FGB: variants seen among roughly 807,000 people sequenced by gnomAD.
FGB encodes the protein fibrinogen beta chain.
A neutral mutation model predicts 57.9 loss-of-function variants in FGB; 25 were observed. The observed-to-expected ratio is 0.43, with a 90% CI of 0.31 to 0.60. The LOEUF is 0.60. Ranked by LOEUF, FGB falls within the 20% of genes least tolerant of loss-of-function variation. The pLI, the probability that FGB is intolerant of heterozygous loss-of-function variation, is 0.08. For missense variants in FGB, 536 were observed against 598.4 expected (o/e 0.90, Z 1.09); for synonymous variants, 203 against 199.2 (o/e 1.02, Z -0.16).
chr4:154,563,007 A>T, upstream of FGB: 1 of 1,331,706 alleles, frequency 7.5e-7, no homozygotes, highest in Non-Finnish European at 1.1e-6. Context: ...AAGATCTCTC[A>T]GTTAAGTCTA....
chr4:154,565,760 A>C, intron 1 of FGB, 48 bp from the exon 2 acceptor site: 1 of 1,575,190 alleles, frequency 6.3e-7, no homozygotes, highest in Non-Finnish European at 8.7e-7. Flanking sequence ...GTTACATTCC[A>C]AATCTTCTAT....
In FGB at chr4:154,572,374, A is replaced by G. The variant is rs1401862103; in HGVS notation, c.*1724A>G. On this transcript the variant is annotated 3_prime_UTR_variant, in exon 8 of 8. Transcript: ENST00000302068. ...AGTGAATGGGACATAGGGTTTATTT[A>G]GGACTTAAATACAGATGTGGTCCAG... 6.6e-6 allele frequency among the ~76,000 whole-genome samples: 1 copy of G among 152,220 alleles called. No homozygotes were observed. Among genetic ancestry groups the G allele is most frequent in the African/African-American group, 2.4e-5 (1 of 41,460 alleles).
rs1478189415 is a variant in FGB at position 154,571,669 on chromosome 4, G to T, written c.*1019G>T. On this transcript the variant is annotated 3_prime_UTR_variant, in exon 8 of 8. Coordinates refer to ENST00000302068, the MANE Select transcript of FGB (RefSeq NM_005141.5). ...GAGGTCTATTCTTGTCCTCAATTAG[G>T]CTTTTTTTTCTTCATAGTTACACCA... Among the ~76,000 whole-genome samples, 1 of 152,010 alleles carries T rather than the reference G, an allele frequency of 6.6e-6. No homozygotes were observed. The highest frequency in any genetic ancestry group is 1.9e-4 in the East Asian group (1 of 5,170).
chr4:154,569,109 T>G, intron 5 of FGB, 73 bp from the exon 6 acceptor site: 1 of 1,494,792 alleles, frequency 6.7e-7, no homozygotes. Context: ...GACAGGGGAT[T>G]CAGATATTAT....
In FGB at chr4:154,566,823, A is replaced by T. The variant is rs1163462833; in HGVS notation, c.490+151A>T. The T allele has an allele frequency of 1.1e-5, 8 of 725,584 alleles. No individual in the cohort carries two copies. The African/African-American group carries it at 1.2e-4, about 11-fold the overall frequency. 44.9% of individuals were successfully genotyped at this position (725,584 alleles called of 1,614,324 possible). On this transcript the variant is annotated intron_variant, in intron 3 of 7. Coordinates refer to ENST00000302068, the MANE Select transcript of FGB (RefSeq NM_005141.5). ...TGGGCACCTTCCCCTGCAACTTGCCAGATAAGCACTATTCAGCTCTTATTC... is the reference window on the plus strand; with the variant it reads ...TGGGCACCTTCCCCTGCAACTTGCCTGATAAGCACTATTCAGCTCTTATTC...
chr4:154,566,588 G>A lies in FGB; in HGVS notation c.406G>A (p.Ala136Thr). 5 of 1,614,114 alleles carry A rather than the reference G, an allele frequency of 3.1e-6. No individual in the cohort carries two copies. The highest frequency in any genetic ancestry group is 4.2e-6 in the Non-Finnish European group (5 of 1,179,990). Residue 136 changes from alanine to threonine, a missense_variant, in exon 3 of 8, where the codon GCT (alanine) becomes ACT (threonine). Ala to Thr is a moderately conservative substitution (Grantham distance 58, BLOSUM62 0). Coordinates refer to ENST00000302068, the MANE Select transcript of FGB (RefSeq NM_005141.5). ...SVDELNNNVE[A>T]VSQTSSSSFQ... is the part of the protein sequence containing the mutation. ...TGATGAGTTAAATAACAATGTGGAA[G>A]CTGTTTCCCAGACCTCCTCTTCTTC...
Position 154,565,814 on chromosome 4 carries a change from T to C in FGB, c.121T>C (p.Phe41Leu). 1 of 1,614,192 alleles carries C rather than the reference T, an allele frequency of 6.2e-7. No individual in the cohort carries two copies. Among genetic ancestry groups the C allele is most frequent in the Non-Finnish European group, 8.5e-7 (1 of 1,180,008 alleles). ...TCTGCCTCATTCCTTGTAGGGTTTC[T>C]TCAGTGCCCGTGGTCATCGACCCCT... ...QGVNDNEEGF[F>L]SARGHRPLDK... Residue 41 changes from phenylalanine (F) to leucine (L), a missense_variant, in exon 2 of 8, where the codon TTC becomes CTC. Physicochemically the swap from Phe to Leu is conservative, Grantham distance 22. Around this residue, in one of 3 missense-constraint regions of FGB, gnomAD observed 354 missense variants for 383.4 expected, o/e 0.92. Coordinates refer to ENST00000302068, the MANE Select transcript of FGB (RefSeq NM_005141.5).
intron 2 of FGB, 48 bp from the exon 3 acceptor site, chr4:154,566,441 C>A: frequency 6.4e-7 from 1 of 1,552,888 alleles, no homozygotes; most frequent in South Asian, 1.1e-5. Context: ...AACAAATGTC[C>A]ATGACCCAAA....
At chr4:154,569,076 C>A (rs1309679348) in intron 5 of FGB, 106 bp from the exon 6 acceptor site, 1 of 1,278,704 alleles carries the variant, frequency 7.8e-7, no homozygotes, top group Non-Finnish European at 1.1e-6. Context: ...TTTTAGAGCA[C>A]CAAATATATA....
chr4:154,566,127 A>G (rs373462731), intron 2 of FGB, 128 bp downstream of exon 2: 6 of 892,030 alleles, frequency 6.7e-6, no homozygotes, highest in African/African-American at 1.7e-5. Context: ...TATTTTGGAA[A>G]TAAAATTCAA....
chr4:154,566,742 G>T (rs1730178638), intron 3 of FGB, 70 bp downstream of exon 3: 9 of 1,403,624 alleles, frequency 6.4e-6, no homozygotes, highest in Non-Finnish European at 7.0e-6. Flanking sequence ...CCACGAGAAT[G>T]CATGGTTGTG....
rs1203864077 is a variant in FGB, at chr4:154,569,716, A to G, written c.1161A>G (p.Ala387=). The G allele has an allele frequency of 1.2e-6, 2 of 1,614,146 alleles. No individual in the cohort carries two copies. The highest frequency in any genetic ancestry group is 1.7e-5 in the Admixed American group (1 of 60,010). The change falls in exon 7 of 8, where the codon GCA becomes GCG. Residue 387 remains alanine, a synonymous_variant. Transcript: ENST00000302068. ...CCGGTAATGCCCTCATGGATGGAGC[A>G]TCTCAGCTGATGGGAGAAAACAGGA... ...GTAGNALMDG[A]SQLMGENRTM...
rs377566007 is a variant in FGB, at chr4:154,566,009, C to T, written c.306+10C>T. ...CGCTGACCCAGACCTGGTGGGTGCA[C>T]TGATGTTTCTTGCAGTGGTGGCTCT... On this transcript the variant is annotated intron_variant, in intron 2 of 7. Transcript: ENST00000302068. 3 of 1,611,560 alleles carry T rather than the reference C, an allele frequency of 1.9e-6. No homozygotes were observed. The African/African-American group carries it at 4.0e-5, about 22-fold the overall frequency.
Position 154,568,468 on chromosome 4 carries a change from A to G in FGB, c.806A>G (p.Tyr269Cys). ...PDSSVKPYRV[Y>C]CDMNTENGGW... is the part of the protein sequence containing the mutation. Reference sequence around the variant, plus strand: ...AGTTCTGTCAAACCGTATAGAGTATACTGTGACATGAATACAGAAAATGGA... The same window carrying G: ...AGTTCTGTCAAACCGTATAGAGTATGCTGTGACATGAATACAGAAAATGGA... Residue 269 changes from tyrosine (Y) to cysteine (C), a missense_variant, in exon 5 of 8, where the codon TAC becomes TGC. Physicochemically the swap from Tyr to Cys is radical, Grantham distance 194. Coordinates refer to ENST00000302068, the MANE Select transcript of FGB (RefSeq NM_005141.5). 1.3e-6 allele frequency: 2 copies of G among 1,588,522 alleles called. No individual in the cohort carries two copies. Among genetic ancestry groups the G allele is most frequent in the Non-Finnish European group, 1.7e-6 (2 of 1,156,620 alleles).
rs1730399846 is a variant in FGB, at chr4:154,570,972, A to C, written c.*322A>C. The C allele has an allele frequency of 2.7e-6, 1 of 373,116 alleles. No homozygotes were observed. The highest frequency in any genetic ancestry group is 2.1e-5 in the African/African-American group (1 of 48,050). 23.1% of individuals were successfully genotyped at this position (373,116 alleles called of 1,614,324 possible). On this transcript the variant is annotated 3_prime_UTR_variant, in exon 8 of 8. Coordinates refer to ENST00000302068, the MANE Select transcript of FGB (RefSeq NM_005141.5). ...CCTTGTCGTAGGAAAACCATGACGG[A>C]AAGGAAAAACTGATGTTTAAAAGTC...
At chr4:154,563,321 T>C (rs1730026569) in intron 1 of FGB, among the ~76,000 whole-genome samples, 189 bp downstream of exon 1, 1 of 151,922 alleles carries the variant, frequency 6.6e-6, no homozygotes, top group African/African-American at 2.4e-5. Flanking sequence ...AAGTAATTTC[T>C]TGTTTTCTAG....
rs1578784744 is a variant in FGB, at chr4:154,569,162, T to C, written c.833-20T>C. The C allele has an allele frequency of 1.9e-6, 3 of 1,613,980 alleles. No individual in the cohort carries two copies. The highest frequency in any genetic ancestry group is 2.5e-6 in the Non-Finnish European group (3 of 1,179,870). Reference sequence around the variant, plus strand: ...TTGCTGTTGGTTAATATATGCTCTTTTTGTTTCTGTCAACCAAAGGATGGA... The same window carrying C: ...TTGCTGTTGGTTAATATATGCTCTTCTTGTTTCTGTCAACCAAAGGATGGA... On this transcript the variant is annotated intron_variant, in intron 5 of 7. Transcript: ENST00000302068.
intron 3 of FGB, 63 bp from the exon 4 acceptor site, chr4:154,567,530 T>G (rs1323664977): frequency 9.2e-6 from 9 of 982,586 alleles, no homozygotes; most frequent in Non-Finnish European, 1.5e-5. Context: ...AATTGTATAG[T>G]TAAATACATT....
In FGB at chr4:154,572,272, A is replaced by T. The variant is rs1730460192; in HGVS notation, c.*1622A>T. Among the ~76,000 whole-genome samples the T allele has an allele frequency of 6.6e-6, 1 of 152,124 alleles. No homozygotes were observed. The highest frequency in any genetic ancestry group is 2.4e-5 in the African/African-American group (1 of 41,414). ...AGATATAATTGATATAATTTAAAAA[A>T]TCCTGCACATGTGTCATGCTGGAGC... On this transcript the variant is annotated 3_prime_UTR_variant, in exon 8 of 8. Coordinates refer to ENST00000302068, the MANE Select transcript of FGB (RefSeq NM_005141.5).
Sources: gnomAD v4.1 joint callset for allele counts (sites outside exome capture counted in the v4.1 genomes callset) on GRCh38, gnomAD v4.1.1 for gene constraint, gnomAD v4.1.1 regional missense constraint, MANE v1.5 for transcripts, NCBI Gene and HGNC (gene_info 2026-07-23, HGNC 2026-07-21) for gene names.